The following USH1C variants were observed in gnomAD, a reference collection of about 807,000 sequenced individuals.
USH1C encodes the protein USH1 protein network component harmonin, also known as harmonin.
Under a neutral mutation model 119.3 loss-of-function variants are expected in USH1C, and 90 were observed. The ratio of observed to expected loss-of-function variants is 0.75; its 90% confidence interval spans 0.64 to 0.90. The LOEUF (loss-of-function observed/expected upper bound fraction) is 0.90, where lower values mean the gene tolerates loss of function less well. Ranked by LOEUF, USH1C falls within the 40% of genes least tolerant of loss-of-function variation. USH1C has a pLI of 0.00. For missense variants in USH1C, 1,165 were observed against 1,167.7 expected (o/e 1.00, Z 0.03); for synonymous variants, 465 against 443.3 (o/e 1.05, Z -0.62).
intron 9 of USH1C, 59 bp from the exon 10 acceptor site, chr11:17,523,537 G>A (rs1446798454): frequency 5.7e-6 from 9 of 1,565,640 alleles, no homozygotes; most frequent in East Asian, 4.5e-5. Flanking sequence ...TCGCTCATCT[G>A]CAGGACAGGC....
At chr11:17,513,435 G>A (rs1183598515) in intron 15 of USH1C, among the ~76,000 whole-genome samples, 2 of 152,038 alleles carry the variant, frequency 1.3e-5, no homozygotes, top group Admixed American at 6.6e-5. Flanking sequence ...CCCTAGCAAT[G>A]GACACACAAC....
At chr11:17,519,008 C>CA (rs2133860063) in intron 14 of USH1C, among the ~76,000 whole-genome samples, 1 of 149,440 alleles carries the variant, frequency 6.7e-6, no homozygotes, top group South Asian at 2.2e-4. Flanking sequence ...GCAACAAGAG[C>CA]AAAACTCTGT....
intron 13 of USH1C, 39 bp from the exon 14 acceptor site, chr11:17,521,033 C>A: frequency 6.2e-7 from 1 of 1,613,088 alleles, no homozygotes; most frequent in Non-Finnish European, 8.5e-7. Flanking sequence ...GGAGTCAGAA[C>A]CCCCATAGGC....
intron 15 of USH1C, among the ~76,000 whole-genome samples, chr11:17,515,299 A>G (rs1259475267): frequency 6.6e-6 from 1 of 152,240 alleles, no homozygotes; most frequent in Non-Finnish European, 1.5e-5. Context: ...ATCCTGATAG[A>G]TGTTCCTAGA....
intron 1 of USH1C, among the ~76,000 whole-genome samples, chr11:17,542,230 A>G (rs1021607402): frequency 6.6e-6 from 1 of 152,258 alleles, no homozygotes; most frequent in Non-Finnish European, 1.5e-5. Context: ...CTAAGGATTT[A>G]GATCACAAAC....
Position 17,531,098 on chromosome 11 carries a change from G to A in USH1C, c.387+56C>T. The A allele has an allele frequency of 6.2e-7, 1 of 1,611,844 alleles. No individual in the cohort carries two copies. Among genetic ancestry groups the A allele is most frequent in the Non-Finnish European group, 8.5e-7 (1 of 1,179,462 alleles). On this transcript the variant is annotated intron_variant, in intron 4 of 26. Coordinates refer to ENST00000005226, the MANE Select transcript of USH1C (RefSeq NM_153676.4). This position sits in a 1 kb window ranked among gnomAD's most constrained non-coding sequence, Gnocchi z 4.2. ...CACACAGCCTAGTGGATGAATGAGG[G>A]GGAGGCAGGAGGTCCGAGGCCCTCG...
At position 17,498,190 on chromosome 11, in the gene USH1C, G is replaced by C. The variant is rs766575368; in HGVS notation, c.2462C>G (p.Ala821Gly). 4 of 1,614,124 alleles carry C rather than the reference G, an allele frequency of 2.5e-6. No homozygotes were observed. Among genetic ancestry groups the C allele is most frequent in the Non-Finnish European group, 3.4e-6 (4 of 1,179,972 alleles). ...TDYTLAEAEAALQKAWNQGGD... is the reference protein window; with the variant it reads ...TDYTLAEAEAGLQKAWNQGGD... The stretch of plus-strand genomic sequence containing the variant: ...GCCCTGATTCCAGGCCTTCTGCAGG[G>C]CAGCCTCAGCCTCAGCCAGGGTGTA... Residue 821 changes from alanine (A) to glycine (G), a missense_variant, in exon 24 of 27, where the codon GCC becomes GGC. Transcript: ENST00000005226.
At chr11:17,498,376 G>T in intron 23 of USH1C, 105 bp from the exon 24 acceptor site, 1 of 1,076,378 alleles carries the variant, frequency 9.3e-7, no homozygotes, top group Non-Finnish European at 1.4e-6. Context: ...AGAGACCTGA[G>T]CCTGGGTTCT....
intron 20 of USH1C, among the ~76,000 whole-genome samples, chr11:17,503,755 C>T (rs572100700): frequency 1.3e-4 from 20 of 152,344 alleles, no homozygotes; most frequent in African/African-American, 4.6e-4. Flanking sequence ...ATCGTGGGCA[C>T]ATTTTCAAAT....
At chr11:17,539,998 A>G (rs1851394204) in intron 1 of USH1C, among the ~76,000 whole-genome samples, 1 of 151,534 alleles carries the variant, frequency 6.6e-6, no homozygotes, top group African/African-American at 2.4e-5. Context: ...CACCTGGCTA[A>G]TTTTTGTATT....
chr11:17,496,697 G>C (rs1214586627), intron 25 of USH1C, 61 bp downstream of exon 25: 1 of 1,601,926 alleles, frequency 6.2e-7, no homozygotes, highest in Non-Finnish European at 8.6e-7. Flanking sequence ...GCTGGAGAAA[G>C]GTGGCTGAGA....
chr11:17,543,503 T>G (rs1851562215), intron 1 of USH1C, among the ~76,000 whole-genome samples: 3 of 152,184 alleles, frequency 2.0e-5, no homozygotes, highest in Non-Finnish European at 4.4e-5. Flanking sequence ...TGGCCCTCTC[T>G]GGTCTCAGGG....
intron 14 of USH1C, 194 bp from the exon 15 acceptor site, chr11:17,516,484 T>C: frequency 2.0e-6 from 1 of 507,794 alleles, no homozygotes; most frequent in Admixed American, 2.9e-5. Flanking sequence ...AGAACAGGCC[T>C]AAGACCACCG....
intron 1 of USH1C, among the ~76,000 whole-genome samples, chr11:17,543,016 C>T (rs1262173197): frequency 6.6e-6 from 1 of 152,238 alleles, no homozygotes; most frequent in Non-Finnish European, 1.5e-5. Flanking sequence ...AGCTTGGCCT[C>T]AACACGCAGC....
Position 17,544,383 on chromosome 11 carries a change from C to T in USH1C, c.-76G>A. 6.2e-7 allele frequency: 1 copy of T among 1,602,496 alleles called. No homozygotes were observed. Among genetic ancestry groups the T allele is most frequent in the African/African-American group, 1.3e-5 (1 of 74,740 alleles). Reference sequence around the variant, plus strand: ...CCGGCTGCCAGGAGCTGGAAAGAGCCGCGACCGCGACCGGGCCAGCCGCCC... The same window carrying T: ...CCGGCTGCCAGGAGCTGGAAAGAGCTGCGACCGCGACCGGGCCAGCCGCCC... On this transcript the variant is annotated 5_prime_UTR_variant, in exon 1 of 27. Coordinates refer to ENST00000005226, the MANE Select transcript of USH1C (RefSeq NM_153676.4).
Position 17,531,375 on chromosome 11 carries a change from C to T in USH1C, c.248+24G>A, listed in dbSNP as rs1267658776. 1 of 1,613,774 alleles carries T rather than the reference C, an allele frequency of 6.2e-7. No homozygotes were observed. Among genetic ancestry groups the T allele is most frequent in the Non-Finnish European group, 8.5e-7 (1 of 1,179,832 alleles). On this transcript the variant is annotated intron_variant, in intron 3 of 26. Transcript: ENST00000005226. The surrounding 1 kb of genome is among the most constrained non-coding windows in gnomAD (Gnocchi z 4.2). ...AGGGTGATCTCTCCACCCCCTGCCTCCAGCCTGGTGGCTTCCTCTGCACCT... is the reference window on the plus strand; with the variant it reads ...AGGGTGATCTCTCCACCCCCTGCCTTCAGCCTGGTGGCTTCCTCTGCACCT...
rs1206064707 is a variant in USH1C, at chr11:17,544,257, C to T, written c.36+15G>A. 6.2e-7 allele frequency: 1 copy of T among 1,613,840 alleles called. No homozygotes were observed. The highest frequency in any genetic ancestry group is 1.3e-5 in the African/African-American group (1 of 74,948). ...TCCGGAGTCCCAGAAGCCTGGGGCGCCCTGCAGCTCTGACCTTATGCCGGA... is the reference window on the plus strand; with the variant it reads ...TCCGGAGTCCCAGAAGCCTGGGGCGTCCTGCAGCTCTGACCTTATGCCGGA... On this transcript the variant is annotated intron_variant, in intron 1 of 26. Transcript: ENST00000005226.
intron 1 of USH1C, among the ~76,000 whole-genome samples, chr11:17,541,083 C>T (rs1448438721): frequency 6.6e-6 from 1 of 152,176 alleles, no homozygotes; most frequent in Non-Finnish European, 1.5e-5. Flanking sequence ...TGCTCTTCTA[C>T]ATGTATCTCT....
At chr11:17,501,322 C>T (rs1319596443) in intron 22 of USH1C, among the ~76,000 whole-genome samples, 160 bp downstream of exon 22, 6 of 152,130 alleles carry the variant, frequency 3.9e-5, no homozygotes, top group African/African-American at 7.2e-5. Context: ...CCTGGGTATG[C>T]GGCCCTACAA....
Sources: allele counts gnomAD v4.1 joint callset (sites outside exome capture counted in the v4.1 genomes callset), GRCh38; gene constraint gnomAD v4.1.1; non-coding constraint Gnocchi (gnomAD v3.1); transcripts MANE v1.5; gene names NCBI Gene and HGNC (gene_info 2026-07-23, HGNC 2026-07-21).